The following NUMA1 variants were observed in gnomAD, a reference collection of about 807,000 sequenced individuals.
The protein encoded by NUMA1 is nuclear mitotic apparatus protein 1.
NUMA1 carries 62 observed loss-of-function variants against 237.1 expected under a neutral mutation model. The ratio of observed to expected loss-of-function variants is 0.26; its 90% CI spans 0.21 to 0.32. The LOEUF is 0.32. Ranked by LOEUF, NUMA1 falls within the 10% of genes least tolerant of loss-of-function variation. The pLI is 1.00. For missense variants in NUMA1, 2,533 were observed against 2,666.5 expected (o/e 0.95, Z 1.10); for synonymous variants, 1,028 against 1,066.1 (o/e 0.96, Z 0.70).
At chr11:72,006,012 G>GT (rs765994470) in intron 22 of NUMA1, 23 bp downstream of exon 22, 2 of 1,567,574 alleles carry the variant, frequency 1.3e-6, no homozygotes, top group Non-Finnish European at 1.7e-6. Context: ...TTGGGGTATA[G>GT]TAAGTCCCTG....
At position 72,015,587 on chromosome 11, in the gene NUMA1, G is replaced by A; in HGVS notation, c.1916C>T (p.Thr639Ile). Residue 639 changes from threonine to isoleucine, a missense_variant, in exon 15 of 27, where the codon ACA (threonine) becomes ATA (isoleucine). This residue lies in a region of NUMA1 where 1,414 missense variants were observed against 1,508.1 expected (regional missense o/e 0.94). Coordinates refer to ENST00000393695, the MANE Select transcript of NUMA1 (RefSeq NM_006185.4). The surrounding 1 kb of genome is among the most constrained non-coding windows in gnomAD (Gnocchi z 4.0). The stretch of plus-strand genomic sequence containing the variant: ...CTCTGCCTTCTCCCGCTGGGCCTGT[G>A]TCACTGAGGTCTGGGCACTGTCCCG... ...EARDSAQTSV[T>I]QAQREKAELS... The A allele has an allele frequency of 2.5e-6, 4 of 1,613,590 alleles. No homozygotes were observed. The highest frequency in any genetic ancestry group is 3.4e-6 in the Non-Finnish European group (4 of 1,180,016).
chr11:72,068,183 T>C (rs1033453181), intron 2 of NUMA1: 4 of 152,248 alleles, frequency 2.6e-5, no homozygotes, highest in Admixed American at 2.6e-4. Context: ...CAACTCTTTC[T>C]GGGGGTCTTC....
At chr11:72,005,426 G>A (rs890955102) in intron 22 of NUMA1, 57 bp from the exon 23 acceptor site, 2 of 1,561,964 alleles carry the variant, frequency 1.3e-6, no homozygotes, top group Non-Finnish European at 1.7e-6. Flanking sequence ...GTCACCTCCT[G>A]GCCCTGGCAT....
At chr11:72,077,943 A>G (rs1943793581) in intron 1 of NUMA1, among the ~76,000 whole-genome samples, 1 of 152,242 alleles carries the variant, frequency 6.6e-6, no homozygotes. Context: ...TAAAAAAGGA[A>G]GGAATAAAAT....
Position 72,003,312 on chromosome 11 carries a change from A to G in NUMA1, c.*215T>C, listed in dbSNP as rs1345094100. The G allele has an allele frequency of 3.4e-6, 2 of 592,262 alleles. No individual in the cohort carries two copies. Among genetic ancestry groups the G allele is most frequent in the Non-Finnish European group, 6.1e-6 (2 of 327,458 alleles). The allele number at this position is 592,262 out of a possible 1,614,324, so 36.7% of individuals were successfully genotyped here. A position where few individuals can be genotyped will look rare whatever the true frequency, so the allele number is the denominator to read the frequency against. On this transcript the variant is annotated 3_prime_UTR_variant, in exon 27 of 27. Transcript: ENST00000393695. ...GAGGCAAGGTAGGGAGAGCGCCCAC[A>G]CTGTCCATGCTCCAGGCCCCCTGGG...
chr11:72,056,635 T>TTAAAA (rs1281316084), intron 2 of NUMA1, among the ~76,000 whole-genome samples: 14 of 75,998 alleles, frequency 1.8e-4, no homozygotes, highest in African/African-American at 9.1e-4. Flanking sequence ...CCCATCTCTT[T>TTAAAA]AAAAAAAAAA....
In NUMA1 at chr11:72,015,751, T is replaced by G; in HGVS notation, c.1752A>C (p.Gln584His). 1 of 1,614,188 alleles carries G rather than the reference T, an allele frequency of 6.2e-7. No homozygotes were observed. Among genetic ancestry groups the G allele is most frequent in the Non-Finnish European group, 8.5e-7 (1 of 1,180,038 alleles). Residue 584 changes from glutamine (Q) to histidine (H), a missense_variant, in exon 15 of 27, where the codon CAA (glutamine) becomes CAC (histidine). By Grantham distance (24) the Gln-to-His change is conservative (BLOSUM62 0). Transcript: ENST00000393695. This position sits in a 1 kb window ranked among gnomAD's most constrained non-coding sequence, Gnocchi z 4.0. ...CTCGCTCCTCTGCAGCAGTGGCCAG[T>G]TGCTGGGCATGGTCCTGCCTAGTTG... ...QEATRQDHAQQLATAAEEREA... is the reference protein window; with the variant it reads ...QEATRQDHAQHLATAAEEREA...
intron 15 of NUMA1, 63 bp from the exon 16 acceptor site, chr11:72,012,505 CT>C (rs1956222563): frequency 6.7e-7 from 1 of 1,499,078 alleles, no homozygotes; most frequent in South Asian, 1.2e-5. Flanking sequence ...ACCAGCCCTG[CT>C]GCCAGGCTGA....
intron 2 of NUMA1, among the ~76,000 whole-genome samples, chr11:72,043,528 A>ATTTTTT: frequency 8.1e-6 from 1 of 123,140 alleles, no homozygotes; most frequent in Non-Finnish European, 1.6e-5. Flanking sequence ...TGCCTGGCTA[A>ATTTTTT]TTTTTTTTTT....
At chr11:72,007,621 T>C (rs1955831923) in intron 20 of NUMA1, 186 bp from the exon 21 acceptor site, 1 of 702,622 alleles carries the variant, frequency 1.4e-6, no homozygotes, top group East Asian at 2.8e-5. Context: ...TCCACTCCCC[T>C]GGCTTCTCCT....
chr11:72,014,460 G>A lies in NUMA1; in HGVS notation c.3043C>T (p.Arg1015Cys), dbSNP rs201363056. ...EVARLTQERG[R>C]AQADLALEKA... ...TCCAGGGCAAGGTCAGCCTGGGCAC[G>A]GCCCCGCTCCTGGGTCAGCCGCGCC... is the stretch of plus-strand genomic sequence containing the variant. The change falls in exon 15 of 27, where the codon CGT becomes TGT. Residue 1015 changes from arginine to cysteine, a missense_variant. Physicochemically the swap from Arg to Cys is radical, Grantham distance 180 (BLOSUM62 -3). Coordinates refer to ENST00000393695, the MANE Select transcript of NUMA1 (RefSeq NM_006185.4). The surrounding 1 kb of genome is among the most constrained non-coding windows in gnomAD (Gnocchi z 4.6). The A allele has an allele frequency of 9.4e-6, 15 of 1,604,242 alleles. No individual in the cohort carries two copies. Among genetic ancestry groups the A allele is most frequent in the African/African-American group, 4.0e-5 (3 of 75,064 alleles).
chr11:72,055,332 G>C (rs906551885), intron 2 of NUMA1, among the ~76,000 whole-genome samples: 6 of 152,084 alleles, frequency 3.9e-5, no homozygotes, highest in African/African-American at 1.4e-4. Context: ...AAAGAGGAAT[G>C]AAGTCCAGAA....
rs761671866 is a variant in NUMA1 at position 72,014,089 on chromosome 11, C to T, written c.3414G>A (p.Lys1138=). ...EVSKLEQQCQ[K]QQEQADSLER... The stretch of plus-strand genomic sequence containing the variant: ...CCAGGCTGTCAGCCTGCTCCTGCTG[C>T]TTCTGGCATTGCTGTTCCAGCTTGC... Residue 1138 remains lysine, a synonymous_variant, in exon 15 of 27, where the codon AAG becomes AAA. Coordinates refer to ENST00000393695, the MANE Select transcript of NUMA1 (RefSeq NM_006185.4). This position sits in a 1 kb window ranked among gnomAD's most constrained non-coding sequence, Gnocchi z 4.6. 1.2e-6 allele frequency: 2 copies of T among 1,611,140 alleles called. No homozygotes were observed. Among genetic ancestry groups the T allele is most frequent in the South Asian group, 1.1e-5 (1 of 91,088 alleles).
intron 2 of NUMA1, among the ~76,000 whole-genome samples, chr11:72,037,114 G>A (rs530124421): frequency 5.3e-5 from 8 of 152,280 alleles, no homozygotes; most frequent in African/African-American, 1.9e-4. Flanking sequence ...AAAGAGATAC[G>A]AAAATCTGAA....
intron 2 of NUMA1, among the ~76,000 whole-genome samples, chr11:72,063,120 A>G (rs939423225): frequency 6.6e-6 from 1 of 152,144 alleles, no homozygotes; most frequent in Non-Finnish European, 1.5e-5. Context: ...GTGGTGGCAC[A>G]TGCCCAAAAT....
rs765353702 is a variant in NUMA1, at chr11:72,024,345, G to C, written c.137C>G (p.Thr46Ser). ...FIKIIDRIHG[T>S]EEGQQILKQP... ...CTTCAAGATTTGCTGTCCCTCTTCA[G>C]TGCCATGGCTAGAAAAAGAGCAAGT... The change falls in exon 5 of 27, where the codon ACT becomes AGT. Residue 46 changes from threonine to serine, a missense_variant. Coordinates refer to ENST00000393695, the MANE Select transcript of NUMA1 (RefSeq NM_006185.4). The C allele has an allele frequency of 6.2e-7, 1 of 1,614,022 alleles. No individual in the cohort carries two copies. Among genetic ancestry groups the C allele is most frequent in the East Asian group, 2.2e-5 (1 of 44,906 alleles).
intron 2 of NUMA1, among the ~76,000 whole-genome samples, chr11:72,051,905 G>A (rs1942381959): frequency 1.3e-5 from 2 of 152,158 alleles, no homozygotes; most frequent in Admixed American, 1.3e-4. Flanking sequence ...AGGCTAGTGG[G>A]GACCAACAAC....
intron 1 of NUMA1, among the ~76,000 whole-genome samples, chr11:72,079,434 G>C (rs58986282): frequency 0.023 from 3,468 of 152,216 alleles, 131 homozygotes; most frequent in African/African-American, 0.079. Context: ...CCAGCTACTC[G>C]GGAGGCTGAG....
intron 2 of NUMA1, among the ~76,000 whole-genome samples, chr11:72,059,423 G>GCA: frequency 1.3e-5 from 2 of 152,074 alleles, no homozygotes; most frequent in Non-Finnish European, 2.9e-5. Flanking sequence ...CTAAAGGTGC[G>GCA]CACCACCATA....
Sources: gnomAD v4.1 joint callset for allele counts (sites outside exome capture counted in the v4.1 genomes callset) on GRCh38, gnomAD v4.1.1 for gene constraint, gnomAD v4.1.1 regional missense constraint, Gnocchi (gnomAD v3.1) non-coding constraint, MANE v1.5 for transcripts, NCBI Gene and HGNC (gene_info 2026-07-23, HGNC 2026-07-21) for gene names.